Variants in ARR3 observed in about 807,000 individuals in gnomAD.
The protein encoded by ARR3 is arrestin 3.
ARR3 carries 14 observed loss-of-function variants against 35.4 expected under a neutral mutation model. The ratio of observed to expected loss-of-function variants is 0.40; its 90% confidence interval spans 0.26 to 0.62. The LOEUF (loss-of-function observed/expected upper bound fraction) is 0.62, where lower values mean the gene tolerates loss of function less well. Among genes scored for constraint, ARR3 ranks in the 20% least tolerant of loss-of-function variants. The pLI is 0.46. For missense variants in ARR3, 259 were observed against 303.8 expected (o/e 0.85, Z 1.10); for synonymous variants, 97 against 119.1 (o/e 0.81, Z 1.21).
chrX:70,275,850 T>A (rs1276277236), intron 5 of ARR3, among the ~76,000 whole-genome samples: 1 of 105,574 alleles, frequency 9.5e-6, no homozygotes, highest in African/African-American at 3.4e-5. Context: ...TACTTTGTAT[T>A]TTTTTTTTAG....
intron 5 of ARR3, among the ~76,000 whole-genome samples, chrX:70,274,284 C>T (rs1216584923): frequency 1.9e-5 from 2 of 107,627 alleles, no homozygotes; most frequent in East Asian, 2.9e-4. Context: ...TCACTGCAAC[C>T]TCCGCCTCCC....
chrX:70,280,177 G>A lies in ARR3; in HGVS notation c.906-18G>A, dbSNP rs1170200987. On this transcript the variant is annotated intron_variant, in intron 12 of 16. Coordinates refer to ENST00000307959, the MANE Select transcript of ARR3 (RefSeq NM_004312.3). ...CTTCATGCCCCAAACACCCTAAAAC[G>A]AATACTACAACCTCCAGTATTAGAC... is the stretch of plus-strand genomic sequence containing the variant. 26 of 1,198,034 alleles carry A rather than the reference G, an allele frequency of 2.2e-5. No homozygotes were observed. Among genetic ancestry groups the A allele is most frequent in the Middle Eastern group, 2.3e-4 (1 of 4,343 alleles).
rs777784263 is a variant in ARR3, at chrX:70,280,326, G to A, written c.989+48G>A. On this transcript the variant is annotated intron_variant, in intron 13 of 16. Coordinates refer to ENST00000307959, the MANE Select transcript of ARR3 (RefSeq NM_004312.3). ...TCTGGGCAGGGGCTGAAGAGTCAAG[G>A]GCTTTTCGCCTCTGTTTTTCTCCCA... The A allele has an allele frequency of 4.4e-6, 5 of 1,131,588 alleles. No homozygotes were observed. In the Admixed American group the frequency reaches 1.1e-4, roughly 26 times the overall value. The allele number at this position is 1,131,588 out of a possible 1,213,427, so 93.3% of individuals were successfully genotyped here. A position where few individuals can be genotyped will look rare whatever the true frequency, so the allele number is the denominator to read the frequency against.
Position 70,281,817 on chromosome X carries a change from AAT to A in ARR3, c.*53_*54del. On this transcript the variant is annotated 3_prime_UTR_variant, in exon 17 of 17. Transcript: ENST00000307959. The stretch of plus-strand genomic sequence containing the variant: ...GTGGGAGCCCCCACTGTAACACTCT[AAT>A]AAATCAGTTTGTTCAGATGTGCCTA... 1 of 999,541 alleles carries A rather than the reference AAT, an allele frequency of 1.0e-6. No homozygotes were observed. The highest frequency in any genetic ancestry group is 1.4e-6 in the Non-Finnish European group (1 of 733,954). 82.4% of individuals were successfully genotyped at this position (999,541 alleles called of 1,213,427 possible).
Position 70,270,113 on chromosome X carries a change from G to A in ARR3, c.114G>A (p.Leu38=). Reference sequence around the variant, plus strand: ...TTCTCTCCACAGACGGTGTTGTCCTGGTTGATCCTGAGTACTTAAAATGTC... The same window carrying A: ...TTCTCTCCACAGACGGTGTTGTCCTAGTTGATCCTGAGTACTTAAAATGTC... ...DTVEPIDGVV[L]VDPEYLKCRK... The change falls in exon 5 of 17, where the codon CTG becomes CTA. Residue 38 remains leucine, a synonymous_variant. Transcript: ENST00000307959. 1 of 1,211,901 alleles carries A rather than the reference G, an allele frequency of 8.3e-7. No homozygotes were observed. The highest frequency in any genetic ancestry group is 1.1e-6 in the Non-Finnish European group (1 of 895,346).
At chrX:70,279,998 G>C (rs1426026217) in intron 12 of ARR3, among the ~76,000 whole-genome samples, 197 bp from the exon 13 acceptor site, 1 of 111,752 alleles carries the variant, frequency 8.9e-6, no homozygotes, top group Non-Finnish European at 1.9e-5. Flanking sequence ...CTTGAGCAGA[G>C]AGTGACATGG....
chrX:70,279,064 G>A (rs938660517), intron 12 of ARR3, among the ~76,000 whole-genome samples: 3 of 112,656 alleles, frequency 2.7e-5, no homozygotes, highest in Non-Finnish European at 5.6e-5. Flanking sequence ...AGTGGTAGAT[G>A]TAGACAGGAT....
intron 11 of ARR3, 102 bp from the exon 12 acceptor site, chrX:70,278,402 C>A: frequency 1.0e-6 from 1 of 994,950 alleles, no homozygotes; most frequent in African/African-American, 1.9e-5. Flanking sequence ...CTTGGATACT[C>A]CAGTAGGTTC....
Position 70,276,289 on chromosome X carries a change from C to T in ARR3, c.345+8C>T, listed in dbSNP as rs1168756606. On this transcript the variant is annotated splice_region_variant and intron_variant, in intron 6 of 16. Coordinates refer to ENST00000307959, the MANE Select transcript of ARR3 (RefSeq NM_004312.3). ...TACCCCTTTACCCTGCAGGTACTGACCCCAAGCCCTGGGCAGGCAAGGTCT... is the reference window on the plus strand; with the variant it reads ...TACCCCTTTACCCTGCAGGTACTGATCCCAAGCCCTGGGCAGGCAAGGTCT... 1.7e-6 allele frequency: 2 copies of T among 1,209,178 alleles called. No homozygotes were observed. The highest frequency in any genetic ancestry group is 4.3e-5 in the Admixed American group (2 of 45,989).
chrX:70,269,214 A>G, intron 1 of ARR3, 142 bp from the exon 2 acceptor site: 1 of 523,961 alleles, frequency 1.9e-6, no homozygotes, highest in Non-Finnish European at 2.9e-6. Flanking sequence ...AGAAGGGAGA[A>G]TAGGAGGTAC....
rs2085635407 is a variant in ARR3 at position 70,272,914 on chromosome X, T to C, written c.145+2770T>C. Among the ~76,000 whole-genome samples, 2 of 112,319 alleles carry C rather than the reference T, an allele frequency of 1.8e-5. 1 individual carries two copies. The highest frequency in any genetic ancestry group is 7.3e-4 in the South Asian group (2 of 2,738). On this transcript the variant is annotated intron_variant, in intron 5 of 16. Coordinates refer to ENST00000307959, the MANE Select transcript of ARR3 (RefSeq NM_004312.3). Reference sequence around the variant, plus strand: ...ACTCAAGTGCTGCTGTTGGTAGTTTTTATTTTTTCTTTGGGTCAGAGCCCC... The same window carrying C: ...ACTCAAGTGCTGCTGTTGGTAGTTTCTATTTTTTCTTTGGGTCAGAGCCCC...
Position 70,277,819 on chromosome X carries a change from C to T in ARR3, c.694+19C>T, listed in dbSNP as rs746637113. On this transcript the variant is annotated intron_variant, in intron 10 of 16. Coordinates refer to ENST00000307959, the MANE Select transcript of ARR3 (RefSeq NM_004312.3). Reference sequence around the variant, plus strand: ...ATTTCAGGTGAGTTTCTTTTCCCATCCCTGTGCACCTGGTCCCAAAGCCAC... The same window carrying T: ...ATTTCAGGTGAGTTTCTTTTCCCATTCCTGTGCACCTGGTCCCAAAGCCAC... 1.7e-6 allele frequency: 2 copies of T among 1,176,948 alleles called. No individual in the cohort carries two copies. The highest frequency in any genetic ancestry group is 2.3e-4 in the Middle Eastern group (1 of 4,290).
chrX:70,281,584 T>A, intron 16 of ARR3, 92 bp from the exon 17 acceptor site: 1 of 760,726 alleles, frequency 1.3e-6, no homozygotes, highest in Non-Finnish European at 2.0e-6. Flanking sequence ...AGGGAGGGGA[T>A]CACTTTTCTG....
At chrX:70,274,441 T>C (rs1176035368) in intron 5 of ARR3, among the ~76,000 whole-genome samples, 1 of 111,797 alleles carries the variant, frequency 8.9e-6, no homozygotes, top group African/African-American at 3.3e-5. Context: ...CCTCAAGCGA[T>C]CTGTCCACCT....
intron 1 of ARR3, among the ~76,000 whole-genome samples, chrX:70,268,988 T>C (rs968123565): frequency 8.9e-6 from 1 of 112,344 alleles, no homozygotes; most frequent in Non-Finnish European, 1.9e-5. Context: ...AACACATTTT[T>C]CTCACACTTT....
At chrX:70,277,373 A>G in intron 8 of ARR3, 21 bp from the exon 9 acceptor site, 1 of 1,204,978 alleles carries the variant, frequency 8.3e-7, no homozygotes, top group Non-Finnish European at 1.1e-6. Context: ...CGCTCTGGCT[A>G]ATCTCTTGGT....
At chrX:70,277,359 A>C in intron 8 of ARR3, 35 bp from the exon 9 acceptor site, 1 of 1,197,419 alleles carries the variant, frequency 8.4e-7, no homozygotes, top group Non-Finnish European at 1.1e-6. Flanking sequence ...GTCTGAAAGG[A>C]GGACGCTCTG....
intron 1 of ARR3, 110 bp from the exon 2 acceptor site, chrX:70,269,246 T>C (rs2085619799): frequency 1.3e-6 from 1 of 774,127 alleles, no homozygotes; most frequent in South Asian, 3.0e-5. Flanking sequence ...GAGGTGTCTG[T>C]CTAAGGAGGA....
chrX:70,278,726 T>C (rs1157251972), intron 12 of ARR3, 85 bp downstream of exon 12: 4 of 1,104,580 alleles, frequency 3.6e-6, no homozygotes, highest in Admixed American at 2.5e-5. Context: ...GGTTTCATGT[T>C]CAGTAAAGCC....
Sources: gnomAD v4.1 joint callset for allele counts (sites outside exome capture counted in the v4.1 genomes callset) on GRCh38, gnomAD v4.1.1 for gene constraint, MANE v1.5 for transcripts, NCBI Gene and HGNC (gene_info 2026-07-23, HGNC 2026-07-21) for gene names.